Variants in SPATA6 observed in about 807,000 individuals in gnomAD.
The protein encoded by SPATA6 is spermatogenesis associated 6.
A neutral mutation model predicts 65.3 loss-of-function variants in SPATA6; 56 were observed. The observed-to-expected ratio is 0.86, with a 90% CI of 0.69 to 1.07. The LOEUF (loss-of-function observed/expected upper bound fraction) is 1.07. Among genes scored for constraint, SPATA6 ranks in the 50% least tolerant of loss-of-function variants. The pLI is 0.00. For missense variants in SPATA6, 590 were observed against 594.8 expected (o/e 0.99, Z 0.08); for synonymous variants, 199 against 213.2 (o/e 0.93, Z 0.58).
chr1:48,384,071 C>T (rs1185662528), intron 9 of SPATA6, among the ~76,000 whole-genome samples: 1 of 150,758 alleles, frequency 6.6e-6, no homozygotes, highest in Non-Finnish European at 1.5e-5. Flanking sequence ...AACGAGACTC[C>T]ATCTGCAATC....
At chr1:48,462,916 T>C (rs1426105221) in intron 1 of SPATA6, among the ~76,000 whole-genome samples, 3 of 152,174 alleles carry the variant, frequency 2.0e-5, no homozygotes, top group East Asian at 3.9e-4. Context: ...CTCACCAATG[T>C]GGGCAGGGAT....
At chr1:48,385,152 C>T (rs1649324457) in intron 9 of SPATA6, among the ~76,000 whole-genome samples, 157 bp downstream of exon 9, 1 of 152,044 alleles carries the variant, frequency 6.6e-6, no homozygotes, top group Admixed American at 6.6e-5. Context: ...TACTGCCTGA[C>T]AAAGTAACCA....
chr1:48,307,030 T>C lies in SPATA6; in HGVS notation c.1195-1152A>G, dbSNP rs148080414. Among the ~76,000 whole-genome samples the C allele has an allele frequency of 5.2e-3, 786 of 151,996 alleles. 20 individuals are homozygous for C. The highest frequency in any genetic ancestry group is 0.05 in the South Asian group (240 of 4,826). ...GCCATTCCTTACTATTAGATCTTTT[T>C]CTTGAATGGCATATTATTGGATGTT... On this transcript the variant is annotated intron_variant, in intron 11 of 12. Transcript: ENST00000371847.
intron 3 of SPATA6, among the ~76,000 whole-genome samples, chr1:48,437,843 T>C (rs1655081692): frequency 6.6e-6 from 1 of 151,460 alleles, no homozygotes; most frequent in Non-Finnish European, 1.5e-5. Flanking sequence ...TTGTAAATTA[T>C]AGATCTTAAA....
At chr1:48,371,686 C>T (rs76231145) in intron 9 of SPATA6, among the ~76,000 whole-genome samples, 1 of 152,154 alleles carries the variant, frequency 6.6e-6, no homozygotes, top group South Asian at 2.1e-4. Context: ...TTCATTGTCA[C>T]TGTAACAAGA....
chr1:48,468,712 T>TA (rs926071722), intron 1 of SPATA6, among the ~76,000 whole-genome samples: 25 of 146,056 alleles, frequency 1.7e-4, no homozygotes, highest in Admixed American at 6.1e-4. Context: ...ATTGTGGGAA[T>TA]AAAAAAAAAA....
At chr1:48,267,325 G>C in the SPATA6 span, among the ~76,000 whole-genome samples, 2 of 152,168 alleles carry the variant, frequency 1.3e-5, no homozygotes, top group Non-Finnish European at 2.9e-5. Context: ...TTTGCCATCT[G>C]CAGGTGGCTT....
intron 11 of SPATA6, among the ~76,000 whole-genome samples, chr1:48,342,369 A>T (rs1452909482): frequency 6.6e-6 from 1 of 152,164 alleles, no homozygotes; most frequent in Non-Finnish European, 1.5e-5. Context: ...AATAAATATC[A>T]CTTTGGGAGG....
At chr1:48,445,451 C>CAGG (rs1227776640) in intron 3 of SPATA6, among the ~76,000 whole-genome samples, 12 of 152,056 alleles carry the variant, frequency 7.9e-5, no homozygotes, top group East Asian at 1.9e-4. Flanking sequence ...ATCACGAGGT[C>CAGG]AGATCGAGAC....
At chr1:48,302,339 G>A (rs1390459243) in intron 12 of SPATA6, among the ~76,000 whole-genome samples, 1 of 152,128 alleles carries the variant, frequency 6.6e-6, no homozygotes, top group African/African-American at 2.4e-5. Context: ...CTAACCAACA[G>A]GTATTTTTTC....
At chr1:48,387,156 T>C (rs975166655) in intron 8 of SPATA6, among the ~76,000 whole-genome samples, 1 of 152,124 alleles carries the variant, frequency 6.6e-6, no homozygotes, top group African/African-American at 2.4e-5. Flanking sequence ...CTTTTTAAAA[T>C]CATTAGATCT....
At chr1:48,363,549 T>C (rs568435652) in intron 9 of SPATA6, among the ~76,000 whole-genome samples, 2 of 152,240 alleles carry the variant, frequency 1.3e-5, no homozygotes, top group South Asian at 4.1e-4. Context: ...GCTTGGCTCA[T>C]AAAGATAATT....
the SPATA6 span, among the ~76,000 whole-genome samples, chr1:48,283,957 T>A: frequency 0.02 from 2,984 of 152,216 alleles, 122 homozygotes; most frequent in East Asian, 0.2. Flanking sequence ...CTATATTTCC[T>A]GAATTTGAAT....
chr1:48,457,848 A>T (rs1657128682), intron 1 of SPATA6, among the ~76,000 whole-genome samples: 1 of 152,098 alleles, frequency 6.6e-6, no homozygotes, highest in Admixed American at 6.6e-5. Flanking sequence ...TAAATATAAA[A>T]ACAGTGTAAA....
chr1:48,443,744 G>A (rs1347112936), intron 3 of SPATA6, among the ~76,000 whole-genome samples: 2 of 152,194 alleles, frequency 1.3e-5, no homozygotes, highest in Non-Finnish European at 2.9e-5. Flanking sequence ...AACAACCTCT[G>A]GAGTTGGGCG....
chr1:48,435,568 C>T (rs187062601), intron 3 of SPATA6, among the ~76,000 whole-genome samples: 274 of 151,934 alleles, frequency 1.8e-3, no homozygotes, highest in African/African-American at 5.8e-3. Flanking sequence ...AAAAACACAC[C>T]GCTCAGTGCT....
chr1:48,404,472 A>G (rs888812678), intron 5 of SPATA6, among the ~76,000 whole-genome samples: 3 of 152,066 alleles, frequency 2.0e-5, no homozygotes, highest in Non-Finnish European at 4.4e-5. Flanking sequence ...CCTTCCAAGT[A>G]GCTAGGACTA....
intron 3 of SPATA6, among the ~76,000 whole-genome samples, chr1:48,414,956 G>C (rs1478548919): frequency 2.0e-5 from 3 of 150,082 alleles, no homozygotes; most frequent in Non-Finnish European, 4.4e-5. Context: ...CAACATGTAA[G>C]AACAGCTGGA....
chr1:48,413,093 A>G lies in SPATA6; in HGVS notation c.280+17T>C. 2.0e-6 allele frequency: 2 copies of G among 1,013,068 alleles called. No individual in the cohort carries two copies. The highest frequency in any genetic ancestry group is 2.7e-6 in the Non-Finnish European group (2 of 752,584). 62.8% of individuals were successfully genotyped at this position (1,013,068 alleles called of 1,614,324 possible). Reference sequence around the variant, plus strand: ...TATGATATCTTATATTGTATATATTACATCAATATATATTACCTGGTGGAA... The same window carrying G: ...TATGATATCTTATATTGTATATATTGCATCAATATATATTACCTGGTGGAA... On this transcript the variant is annotated intron_variant, in intron 4 of 12. Transcript: ENST00000371847.
Sources: gnomAD v4.1 joint callset for allele counts (sites outside exome capture counted in the v4.1 genomes callset) on GRCh38, gnomAD v4.1.1 for gene constraint, MANE v1.5 for transcripts, NCBI Gene and HGNC (gene_info 2026-07-23, HGNC 2026-07-21) for gene names.